CPA5: variants seen among roughly 807,000 people sequenced by gnomAD.
CPA5 encodes the protein carboxypeptidase A5.
CPA5 carries 38 observed loss-of-function variants against 52.2 expected under a neutral mutation model. The observed-to-expected ratio is 0.73, with a 90% CI of 0.56 to 0.95. The LOEUF is 0.95. Ranked by LOEUF, CPA5 falls within the 40% of genes least tolerant of loss-of-function variation. CPA5 has a pLI of 0.00. For missense variants in CPA5, 519 were observed against 566.7 expected (o/e 0.92, Z 0.86); for synonymous variants, 198 against 213.7 (o/e 0.93, Z 0.64).
chr7:130,345,570 G>C (rs1043671087), intron 1 of CPA5: 1 of 152,248 alleles, frequency 6.6e-6, no homozygotes, highest in Non-Finnish European at 1.5e-5. Context: ...TGACTCTGCT[G>C]TCTGTTGAGA....
chr7:130,366,915 C>T (rs1347907407), intron 10 of CPA5, among the ~76,000 whole-genome samples: 1 of 152,182 alleles, frequency 6.6e-6, no homozygotes, highest in Non-Finnish European at 1.5e-5. Context: ...TGCAGGGCTT[C>T]AGAACTGCAG....
At chr7:130,366,527 A>G (rs1199515232) in intron 10 of CPA5, among the ~76,000 whole-genome samples, 5 of 152,184 alleles carry the variant, frequency 3.3e-5, no homozygotes, top group African/African-American at 7.2e-5. Flanking sequence ...AACTTGGGAA[A>G]AGAATAAAAG....
At chr7:130,353,709 C>T (rs782109060) in intron 5 of CPA5, among the ~76,000 whole-genome samples, 1 of 152,164 alleles carries the variant, frequency 6.6e-6, no homozygotes. Context: ...AGGGCCCATG[C>T]GCCATCTCGT....
intron 3 of CPA5, 93 bp downstream of exon 3, chr7:130,346,694 C>G: frequency 1.0e-6 from 1 of 975,404 alleles, no homozygotes; most frequent in African/African-American, 1.6e-5. Flanking sequence ...GGTGCCTGAT[C>G]AAGGCGGAGA....
At chr7:130,359,960 C>A (rs1346089201) in intron 6 of CPA5, among the ~76,000 whole-genome samples, 1 of 152,192 alleles carries the variant, frequency 6.6e-6, no homozygotes, top group African/African-American at 2.4e-5. Context: ...CTAGGCAGAA[C>A]ACTAACGCAG....
intron 7 of CPA5, 84 bp downstream of exon 7, chr7:130,361,328 C>T (rs1161935428): frequency 2.9e-5 from 28 of 981,060 alleles, no homozygotes; most frequent in South Asian, 1.2e-4. Flanking sequence ...AGTGGCTGGG[C>T]GGGAGTTTTG....
intron 6 of CPA5, 118 bp from the exon 7 acceptor site, chr7:130,361,025 T>A (rs1175480960): frequency 1.5e-6 from 1 of 672,406 alleles, no homozygotes; most frequent in African/African-American, 1.8e-5. Flanking sequence ...CCCTCGAGGG[T>A]CTAAATACCC....
intron 5 of CPA5, among the ~76,000 whole-genome samples, chr7:130,358,417 A>T (rs1554405742): frequency 2.0e-5 from 3 of 152,142 alleles, no homozygotes. Context: ...CTTTGCCATT[A>T]AGTCCCTTTA....
At position 130,357,417 on chromosome 7, in the gene CPA5, T is replaced by C. The variant is rs552536821; in HGVS notation, c.334-2172T>C. ...TGGGTGCATCACCTGAGGTTGGGAG[T>C]TCAAGACCAGCCTGACCAACATGGA... On this transcript the variant is annotated intron_variant, in intron 5 of 12. Coordinates refer to ENST00000474905, the MANE Select transcript of CPA5 (RefSeq NM_080385.5). Among the ~76,000 whole-genome samples the C allele has an allele frequency of 7.2e-5, 11 of 151,878 alleles. No homozygotes were observed. The South Asian group carries it at 2.3e-3, about 32-fold the overall frequency.
intron 9 of CPA5, 41 bp downstream of exon 9, chr7:130,363,035 T>G (rs1795882178): frequency 5.5e-5 from 67 of 1,214,434 alleles, no homozygotes; most frequent in Non-Finnish European, 7.5e-5. Context: ...GGGTCAGCTC[T>G]AGGGGGATGG....
chr7:130,348,785 T>C lies in CPA5; in HGVS notation c.198+938T>C, dbSNP rs1794935956. ...CTTTCCACTCAGCCTTAGGGTTTCA[T>C]TACGGAACTGGGGCCCGTTTAGGTG... is the stretch of plus-strand genomic sequence containing the variant. On this transcript the variant is annotated intron_variant, in intron 4 of 12. Transcript: ENST00000474905. Among the ~76,000 whole-genome samples the C allele has an allele frequency of 3.9e-5, 6 of 152,238 alleles. No individual in the cohort carries two copies. In the South Asian group the frequency reaches 1.2e-3, roughly 32 times the overall value.
chr7:130,373,704 T>A (rs1796314948), downstream of CPA5, among the ~76,000 whole-genome samples: 1 of 152,132 alleles, frequency 6.6e-6, no homozygotes, highest in East Asian at 1.9e-4. Context: ...AAATGCCCCT[T>A]TAGGAAAACA....
At chr7:130,372,925 A>G (rs1402274559), downstream of CPA5, among the ~76,000 whole-genome samples, 1 of 151,980 alleles carries the variant, frequency 6.6e-6, no homozygotes, top group Non-Finnish European at 1.5e-5. Flanking sequence ...TTTTAGCCCA[A>G]CCCGCTCATT....
chr7:130,362,195 C>A (rs1795825645), intron 7 of CPA5, among the ~76,000 whole-genome samples: 1 of 152,144 alleles, frequency 6.6e-6, no homozygotes, highest in African/African-American at 2.4e-5. Context: ...ACTTTCAATC[C>A]TGGGAAATTC....
At chr7:130,350,835 G>A (rs1286322627) in intron 5 of CPA5, among the ~76,000 whole-genome samples, 1 of 152,202 alleles carries the variant, frequency 6.6e-6, no homozygotes, top group South Asian at 2.1e-4. Flanking sequence ...CCCCTGAAAC[G>A]TGCTGGTAGC....
Position 130,346,457 on chromosome 7 carries a change from G to C in CPA5, c.-29G>C. 6.5e-7 allele frequency: 1 copy of C among 1,549,102 alleles called. No homozygotes were observed. Among genetic ancestry groups the C allele is most frequent in the African/African-American group, 1.4e-5 (1 of 73,814 alleles). On this transcript the variant is annotated 5_prime_UTR_variant, in exon 3 of 13. Transcript: ENST00000474905. ...GCCTGGGCCATGGTGCCCAAGGAAA[G>C]CCCCTGAAGCTCACCAGGAGGAAGA...
intron 10 of CPA5, among the ~76,000 whole-genome samples, chr7:130,364,660 G>A (rs1420969947): frequency 6.6e-6 from 1 of 152,214 alleles, no homozygotes; most frequent in Non-Finnish European, 1.5e-5. Flanking sequence ...TTATCAACAA[G>A]GCTGGCTTGA....
intron 4 of CPA5, among the ~76,000 whole-genome samples, 182 bp downstream of exon 4, chr7:130,348,029 A>C (rs554408795): frequency 1.3e-5 from 2 of 152,208 alleles, no homozygotes; most frequent in African/African-American, 2.4e-5. Context: ...CTGCCCAGAA[A>C]TTTGGGCTGC....
In CPA5 at chr7:130,350,883, A is replaced by G. The variant is rs377205293; in HGVS notation, c.333+774A>G. ...CTAGAGATCTTTGTGGGTACCACTCATTGGTTAAGCCTCCCCGGCTGCATC... is the reference window on the plus strand; with the variant it reads ...CTAGAGATCTTTGTGGGTACCACTCGTTGGTTAAGCCTCCCCGGCTGCATC... On this transcript the variant is annotated intron_variant, in intron 5 of 12. Coordinates refer to ENST00000474905, the MANE Select transcript of CPA5 (RefSeq NM_080385.5). 6.1e-4 allele frequency among the ~76,000 whole-genome samples: 93 copies of G among 152,328 alleles called. 2 individuals are homozygous for G. In the East Asian group the frequency reaches 0.013, roughly 22 times the overall value.
Sources: gnomAD v4.1 joint callset for allele counts (sites outside exome capture counted in the v4.1 genomes callset) on GRCh38, gnomAD v4.1.1 for gene constraint, MANE v1.5 for transcripts, NCBI Gene and HGNC (gene_info 2026-07-23, HGNC 2026-07-21) for gene names.